The following CADM1 variants were observed in gnomAD, a reference collection of about 807,000 sequenced individuals.
CADM1 encodes the protein TSLC-1.
Under a neutral mutation model 53.1 loss-of-function variants are expected in CADM1, and 15 were observed. The ratio of observed to expected loss-of-function variants is 0.28; its 90% CI spans 0.19 to 0.44. CADM1 has a LOEUF of 0.44. Ranked by LOEUF, CADM1 falls within the 20% of genes least tolerant of loss-of-function variation. CADM1 has a pLI of 1.00. For synonymous variants in CADM1, 281 were observed against 243.0 expected, an observed-to-expected ratio of 1.16 and a Z score of -1.45; for missense variants, 434 against 611.3, an observed-to-expected ratio of 0.71 and a Z score of 3.06.
intron 1 of CADM1, among the ~76,000 whole-genome samples, chr11:115,433,923 AC>A (rs1948118237): frequency 6.6e-6 from 1 of 152,248 alleles, no homozygotes; most frequent in Admixed American, 6.5e-5. Flanking sequence ...TAATAGGATT[AC>A]ATTTTAGATT....
chr11:115,326,302 G>T (rs1203143245), intron 1 of CADM1, among the ~76,000 whole-genome samples: 1 of 151,934 alleles, frequency 6.6e-6, no homozygotes, highest in African/African-American at 2.4e-5. Flanking sequence ...CCAACCCAAG[G>T]TATTTATATA....
chr11:115,482,894 G>A (rs1949289674), intron 1 of CADM1, among the ~76,000 whole-genome samples: 1 of 152,150 alleles, frequency 6.6e-6, no homozygotes. Flanking sequence ...TTAAGATTTG[G>A]AAGTTAATTC....
chr11:115,363,127 A>G (rs1946072492), intron 1 of CADM1, among the ~76,000 whole-genome samples: 1 of 152,170 alleles, frequency 6.6e-6, no homozygotes, highest in South Asian at 2.1e-4. Context: ...GAGGCTCTTT[A>G]GCCTCTTGTC....
chr11:115,458,524 A>G (rs929550597), intron 1 of CADM1, among the ~76,000 whole-genome samples: 1 of 148,618 alleles, frequency 6.7e-6, no homozygotes, highest in African/African-American at 2.5e-5. Flanking sequence ...TATTATTATT[A>G]TTATTATTAC....
At chr11:115,252,967 T>C (rs1942654921) in intron 1 of CADM1, among the ~76,000 whole-genome samples, 2 of 152,184 alleles carry the variant, frequency 1.3e-5, no homozygotes, top group African/African-American at 4.8e-5. Flanking sequence ...GCACGAATAC[T>C]TGGCCTTCCT....
intron 1 of CADM1, among the ~76,000 whole-genome samples, chr11:115,286,610 C>T (rs1166544752): frequency 2.0e-5 from 3 of 152,164 alleles, no homozygotes; most frequent in South Asian, 2.1e-4. Flanking sequence ...CTGCTTCAAA[C>T]GCAGTCCATG....
chr11:115,208,547 CAG>C (rs1488823986), intron 8 of CADM1, among the ~76,000 whole-genome samples: 1 of 152,184 alleles, frequency 6.6e-6, no homozygotes, highest in Non-Finnish European at 1.5e-5. Context: ...AGTCCAGAGA[CAG>C]GGGTGGGTAC....
At chr11:115,301,110 T>C (rs1944209638) in intron 1 of CADM1, among the ~76,000 whole-genome samples, 1 of 152,074 alleles carries the variant, frequency 6.6e-6, no homozygotes, top group African/African-American at 2.4e-5. Context: ...TGTATTGATA[T>C]TTAGGATGAT....
chr11:115,272,440 AC>A (rs1460273815), intron 1 of CADM1, among the ~76,000 whole-genome samples: 1 of 152,158 alleles, frequency 6.6e-6, no homozygotes, highest in Non-Finnish European at 1.5e-5. Context: ...AAGAAAAAAA[AC>A]ATTAGTTTAA....
chr11:115,197,995 T>C (rs1565291899), intron 9 of CADM1, among the ~76,000 whole-genome samples: 1 of 152,206 alleles, frequency 6.6e-6, no homozygotes, highest in Non-Finnish European at 1.5e-5. Flanking sequence ...GTGACACAAA[T>C]GACTCCTCTT....
intron 1 of CADM1, among the ~76,000 whole-genome samples, chr11:115,439,354 G>C (rs984721802): frequency 6.6e-6 from 1 of 152,196 alleles, no homozygotes; most frequent in Non-Finnish European, 1.5e-5. Context: ...TTTGGGTATA[G>C]TCTTGACTGC....
intron 1 of CADM1, among the ~76,000 whole-genome samples, chr11:115,462,852 G>C (rs1412525959): frequency 6.6e-6 from 1 of 152,052 alleles, no homozygotes; most frequent in African/African-American, 2.4e-5. Context: ...TCTTTTAAAA[G>C]GTCCACACAT....
intron 1 of CADM1, among the ~76,000 whole-genome samples, chr11:115,459,617 A>G (rs913131483): frequency 2.0e-5 from 3 of 152,168 alleles, no homozygotes; most frequent in Non-Finnish European, 2.9e-5. Context: ...CTGGCAGTCC[A>G]GTCTAATGGT....
At chr11:115,244,776 G>A (rs1346554081) in intron 1 of CADM1, among the ~76,000 whole-genome samples, 1 of 152,182 alleles carries the variant, frequency 6.6e-6, no homozygotes, top group Non-Finnish European at 1.5e-5. Context: ...AGCAACTTCT[G>A]ATTTTTTTTA....
At chr11:115,249,076 G>A (rs930702599) in intron 1 of CADM1, among the ~76,000 whole-genome samples, 1 of 152,116 alleles carries the variant, frequency 6.6e-6, no homozygotes, top group Non-Finnish European at 1.5e-5. Context: ...TGTGATGCTC[G>A]TTTATGGCAA....
intron 1 of CADM1, among the ~76,000 whole-genome samples, chr11:115,314,035 T>C (rs182809914): frequency 6.2e-4 from 94 of 152,274 alleles, no homozygotes; most frequent in African/African-American, 2.2e-3. Flanking sequence ...ATGCAAGATA[T>C]TGATAACAAT....
rs567627230 is a variant in CADM1, at chr11:115,239,241, T to C, written c.272-589A>G. Among the ~76,000 whole-genome samples, 18 of 152,272 alleles carry C rather than the reference T, an allele frequency of 1.2e-4. No individual in the cohort carries two copies. The South Asian group carries it at 3.3e-3, about 28-fold the overall frequency. On this transcript the variant is annotated intron_variant, in intron 2 of 11. Coordinates refer to ENST00000331581, the MANE Select transcript of CADM1 (RefSeq NM_001301043.2). Reference sequence around the variant, plus strand: ...ATTATTTTAAAAACTTATAATCTAATAGCAAAATAAACCTAATCAACTTGG... The same window carrying C: ...ATTATTTTAAAAACTTATAATCTAACAGCAAAATAAACCTAATCAACTTGG...
intron 1 of CADM1, among the ~76,000 whole-genome samples, chr11:115,279,355 A>G (rs1943526779): frequency 6.6e-6 from 1 of 152,200 alleles, no homozygotes; most frequent in African/African-American, 2.4e-5. Context: ...CCCCAACCAA[A>G]TATTTCACAA....
At chr11:115,393,569 A>C (rs185796313) in intron 1 of CADM1, among the ~76,000 whole-genome samples, 64 of 151,734 alleles carry the variant, frequency 4.2e-4, no homozygotes, top group African/African-American at 1.3e-3. Flanking sequence ...AAAAAAAAAA[A>C]ACATAGAGGT....
Sources: allele counts gnomAD v4.1 joint callset (sites outside exome capture counted in the v4.1 genomes callset), GRCh38; gene constraint gnomAD v4.1.1; transcripts MANE v1.5; gene names NCBI Gene and HGNC (gene_info 2026-07-23, HGNC 2026-07-21).